Variants in EHBP1 observed in about 807,000 individuals in gnomAD.
The protein encoded by EHBP1 is EH domain binding protein 1, also known as EH domain-binding protein 1.
A neutral mutation model predicts 144.0 loss-of-function variants in EHBP1; 55 were observed. The observed-to-expected ratio is 0.38, with a 90% confidence interval of 0.31 to 0.48. EHBP1 has a LOEUF of 0.48. Ranked by LOEUF, EHBP1 falls within the 20% of genes least tolerant of loss-of-function variation. The pLI is 0.98. For synonymous variants in EHBP1, 469 were observed against 472.7 expected, an observed-to-expected ratio of 0.99 and a Z score of 0.10; for missense variants, 1,200 against 1,364.2, an observed-to-expected ratio of 0.88 and a Z score of 1.90.
rs1323361138 is a variant in EHBP1 at position 62,719,256 on chromosome 2, G to C, written c.104+11961G>C. 2.6e-5 allele frequency among the ~76,000 whole-genome samples: 4 copies of C among 152,092 alleles called. No homozygotes were observed. The East Asian group carries it at 7.7e-4, about 29-fold the overall frequency. ...GCTAGGATTGCAGGCATGAGCCACTGTGCCGACCAGAATAATTTTTTTTTT... is the reference window on the plus strand; with the variant it reads ...GCTAGGATTGCAGGCATGAGCCACTCTGCCGACCAGAATAATTTTTTTTTT... On this transcript the variant is annotated intron_variant, in intron 2 of 22. Coordinates refer to ENST00000431489, the MANE Select transcript of EHBP1 (RefSeq NM_001142616.3).
chr2:62,756,608 A>T (rs1396782552), intron 3 of EHBP1, among the ~76,000 whole-genome samples: 1 of 152,096 alleles, frequency 6.6e-6, no homozygotes, highest in Non-Finnish European at 1.5e-5. Context: ...CATCTCTACT[A>T]AAAATACAAA....
intron 10 of EHBP1, among the ~76,000 whole-genome samples, chr2:62,886,749 G>T (rs901213273): frequency 6.6e-6 from 1 of 152,112 alleles, no homozygotes; most frequent in African/African-American, 2.4e-5. Context: ...AACAGTTTAT[G>T]TTCTGGAATT....
At chr2:63,024,173 A>G (rs899178464) in intron 19 of EHBP1, among the ~76,000 whole-genome samples, 8 of 152,020 alleles carry the variant, frequency 5.3e-5, no homozygotes, top group Non-Finnish European at 1.0e-4. Flanking sequence ...GTGAAACCCC[A>G]TCTCTACTAA....
intron 19 of EHBP1, among the ~76,000 whole-genome samples, chr2:63,028,110 G>C (rs2061064947): frequency 6.6e-6 from 1 of 152,088 alleles, no homozygotes; most frequent in Non-Finnish European, 1.5e-5. Context: ...TTGATTTTAA[G>C]TGTTCTTACC....
chr2:62,864,613 T>C, intron 8 of EHBP1, 118 bp from the exon 9 acceptor site: 1 of 970,558 alleles, frequency 1.0e-6, no homozygotes, highest in South Asian at 1.9e-5. Flanking sequence ...TGCTTTGCTC[T>C]TTCTCAGCCC....
At chr2:62,722,726 G>C (rs1371340685) in intron 2 of EHBP1, among the ~76,000 whole-genome samples, 1 of 152,090 alleles carries the variant, frequency 6.6e-6, no homozygotes, top group Non-Finnish European at 1.5e-5. Context: ...TGACACTTTT[G>C]AAGAGTGTTC....
chr2:62,797,230 T>C (rs1322300948), intron 5 of EHBP1, among the ~76,000 whole-genome samples: 1 of 152,212 alleles, frequency 6.6e-6, no homozygotes, highest in East Asian at 1.9e-4. Context: ...CAGATTACTT[T>C]GCGTGCAGCA....
intron 10 of EHBP1, chr2:62,939,914 A>G (rs1056790838): frequency 4.9e-6 from 1 of 205,938 alleles, no homozygotes; most frequent in Non-Finnish European, 1.0e-5. Flanking sequence ...TCTCCAAGGA[A>G]CATGTAGGTT....
intron 9 of EHBP1, among the ~76,000 whole-genome samples, chr2:62,873,981 G>A (rs931220916): frequency 7.2e-5 from 11 of 152,198 alleles, no homozygotes; most frequent in South Asian, 2.1e-4. Context: ...AACAGAGCTC[G>A]AGCTTAAAAA....
intron 19 of EHBP1, among the ~76,000 whole-genome samples, chr2:63,015,188 T>C (rs895234295): frequency 1.3e-5 from 2 of 152,190 alleles, no homozygotes; most frequent in Admixed American, 1.3e-4. Flanking sequence ...AATTATATTT[T>C]TGTACATTGT....
At chr2:62,896,928 C>G (rs549802053) in intron 10 of EHBP1, among the ~76,000 whole-genome samples, 47 of 152,228 alleles carry the variant, frequency 3.1e-4, no homozygotes, top group Non-Finnish European at 5.9e-4. Context: ...TTTAATGTAG[C>G]TGATTACTTT....
chr2:62,793,140 A>G (rs1045602077), intron 5 of EHBP1, among the ~76,000 whole-genome samples: 1 of 152,118 alleles, frequency 6.6e-6, no homozygotes, highest in Non-Finnish European at 1.5e-5. Context: ...GATTAAGTTC[A>G]TAAATTCATT....
chr2:62,894,286 G>C (rs1396658595), intron 10 of EHBP1, among the ~76,000 whole-genome samples: 4 of 152,178 alleles, frequency 2.6e-5, no homozygotes. Context: ...CTATAATAGA[G>C]ATAAGCTAGT....
chr2:62,723,166 C>T (rs2036401292), intron 2 of EHBP1, among the ~76,000 whole-genome samples: 1 of 152,178 alleles, frequency 6.6e-6, no homozygotes, highest in African/African-American at 2.4e-5. Context: ...AATTGGGGTG[C>T]TCCTGTCTTG....
At chr2:62,829,757 A>G (rs1573571260) in intron 6 of EHBP1, among the ~76,000 whole-genome samples, 3 of 147,218 alleles carry the variant, frequency 2.0e-5, no homozygotes, top group South Asian at 2.1e-4. Context: ...TATTATGTAT[A>G]TTATACATAT....
chr2:62,908,167 A>T (rs1398259423), intron 10 of EHBP1, among the ~76,000 whole-genome samples: 2 of 152,236 alleles, frequency 1.3e-5, no homozygotes, highest in East Asian at 3.8e-4. Context: ...TGTGTGTGAA[A>T]GAACTTTGGT....
At chr2:62,981,237 T>C (rs545750941) in intron 15 of EHBP1, among the ~76,000 whole-genome samples, 2 of 152,296 alleles carry the variant, frequency 1.3e-5, no homozygotes, top group Admixed American at 1.3e-4. Flanking sequence ...CAATTTGCTG[T>C]CATTTATCAT....
At chr2:62,837,623 C>G (rs2152696398) in intron 7 of EHBP1, among the ~76,000 whole-genome samples, 1 of 146,766 alleles carries the variant, frequency 6.8e-6, no homozygotes, top group South Asian at 2.2e-4. Flanking sequence ...CACATAGGCT[C>G]AAAATAAAAG....
intron 3 of EHBP1, among the ~76,000 whole-genome samples, chr2:62,753,803 C>A (rs2039992717): frequency 6.6e-6 from 1 of 152,212 alleles, no homozygotes; most frequent in Non-Finnish European, 1.5e-5. Context: ...GAAGCTTGTG[C>A]ATTTGTCACG....
Sources: gnomAD v4.1 joint callset for allele counts (sites outside exome capture counted in the v4.1 genomes callset) on GRCh38, gnomAD v4.1.1 for gene constraint, MANE v1.5 for transcripts, NCBI Gene and HGNC (gene_info 2026-07-23, HGNC 2026-07-21) for gene names.